Variants in PTPRD observed in about 807,000 individuals in gnomAD.
PTPRD encodes receptor-type tyrosine-protein phosphatase delta.
Under a neutral mutation model 214.5 loss-of-function variants are expected in PTPRD, and 34 were observed. The observed-to-expected ratio is 0.16, with a 90% CI of 0.12 to 0.21. The LOEUF is 0.21. Ranked by LOEUF, PTPRD falls within the 10% of genes least tolerant of loss-of-function variation. The probability of loss-of-function intolerance (pLI) is 1.00; values close to 1 mark genes in which losing one functional copy is unlikely to be tolerated. For missense variants in PTPRD, 2,545 were observed against 2,398.7 expected, an observed-to-expected ratio of 1.06 and a Z score of -1.27; for synonymous variants, 1,128 against 845.7, an observed-to-expected ratio of 1.33 and a Z score of -5.79.
intron 2 of PTPRD, among the ~76,000 whole-genome samples, chr9:10,482,142 C>T (rs1018005067): frequency 6.6e-5 from 10 of 152,136 alleles, no homozygotes; most frequent in Admixed American, 2.0e-4. Flanking sequence ...GAGGCCCAGG[C>T]GGGAGAATCA....
intron 12 of PTPRD, among the ~76,000 whole-genome samples, chr9:8,699,353 T>C (rs1465438623): frequency 6.6e-6 from 1 of 152,184 alleles, no homozygotes; most frequent in Non-Finnish European, 1.5e-5. Flanking sequence ...ATACACCTCA[T>C]ATCATTAAAA....
At chr9:9,633,116 G>A (rs140185759) in intron 7 of PTPRD, among the ~76,000 whole-genome samples, 86 of 152,182 alleles carry the variant, frequency 5.7e-4, no homozygotes, top group African/African-American at 1.9e-3. Flanking sequence ...CCAACATGGT[G>A]AAATCCTGTC....
intron 10 of PTPRD, among the ~76,000 whole-genome samples, chr9:9,146,429 G>A (rs1282477326): frequency 3.3e-5 from 5 of 152,016 alleles, no homozygotes; most frequent in East Asian, 1.9e-4. Context: ...TCTGATGTGA[G>A]GCTCAGGAGT....
At chr9:10,321,218 C>A (rs2096546688) in intron 3 of PTPRD, among the ~76,000 whole-genome samples, 1 of 151,780 alleles carries the variant, frequency 6.6e-6, no homozygotes, top group Non-Finnish European at 1.5e-5. Context: ...GGAAAAAAAA[C>A]AATGAGAACT....
chr9:9,897,193 G>A (rs1053424749), intron 5 of PTPRD, among the ~76,000 whole-genome samples: 6 of 151,754 alleles, frequency 4.0e-5, no homozygotes, highest in African/African-American at 1.4e-4. Context: ...GGTTGGTAAA[G>A]GTAATGCCTA....
At chr9:10,056,427 T>C (rs546976397) in intron 3 of PTPRD, among the ~76,000 whole-genome samples, 1 of 151,954 alleles carries the variant, frequency 6.6e-6, no homozygotes, top group Admixed American at 6.6e-5. Flanking sequence ...ATAACCTCTT[T>C]TATTAGCTGC....
chr9:9,177,510 A>T (rs2099925633), intron 10 of PTPRD, among the ~76,000 whole-genome samples: 1 of 152,172 alleles, frequency 6.6e-6, no homozygotes, highest in South Asian at 2.1e-4. Flanking sequence ...TAATTAGAAA[A>T]TATATTAGAG....
intron 2 of PTPRD, among the ~76,000 whole-genome samples, chr9:10,419,616 C>A (rs985180332): frequency 4.6e-5 from 7 of 151,674 alleles, no homozygotes; most frequent in Admixed American, 3.3e-4. Flanking sequence ...GTATGAAAAT[C>A]CAAGCTTTCA....
chr9:10,355,737 C>A (rs2097265256), intron 2 of PTPRD, among the ~76,000 whole-genome samples: 1 of 152,078 alleles, frequency 6.6e-6, no homozygotes, highest in Non-Finnish European at 1.5e-5. Flanking sequence ...CTCGGCCTCC[C>A]AAAGCGCTGG....
intron 2 of PTPRD, among the ~76,000 whole-genome samples, chr9:10,499,461 C>T (rs139879328): frequency 0.018 from 2,738 of 151,944 alleles, 43 homozygotes; most frequent in South Asian, 0.035. Flanking sequence ...TCAATCATAC[C>T]GGACAGTTCA....
intron 9 of PTPRD, among the ~76,000 whole-genome samples, chr9:9,225,312 A>G (rs532315049): frequency 6.6e-6 from 1 of 152,152 alleles, no homozygotes; most frequent in South Asian, 2.1e-4. Flanking sequence ...TGACAACCAG[A>G]CAGAAATTAC....
intron 11 of PTPRD, among the ~76,000 whole-genome samples, chr9:8,914,338 A>T (rs2098769679): frequency 1.3e-5 from 2 of 152,310 alleles, no homozygotes; most frequent in African/African-American, 4.8e-5. Flanking sequence ...CTTACCAAAT[A>T]ACAATATTAC....
At chr9:9,494,870 G>A (rs540802341) in intron 8 of PTPRD, among the ~76,000 whole-genome samples, 2 of 152,232 alleles carry the variant, frequency 1.3e-5, no homozygotes, top group East Asian at 3.9e-4. Context: ...ATCTTGAAAA[G>A]AAAGAAGAAA....
At chr9:10,440,110 C>A (rs145934002) in intron 2 of PTPRD, among the ~76,000 whole-genome samples, 2 of 151,386 alleles carry the variant, frequency 1.3e-5, no homozygotes, top group East Asian at 1.9e-4. Context: ...GTTAAAAAAT[C>A]GGCTATTACT....
chr9:8,547,968 C>G (rs182963073), intron 14 of PTPRD, among the ~76,000 whole-genome samples: 91 of 152,196 alleles, frequency 6.0e-4, no homozygotes, highest in Non-Finnish European at 9.6e-4. Context: ...AAAAACAGTC[C>G]CTTAAAAGTT....
chr9:10,389,216 C>T (rs796420195), intron 2 of PTPRD, among the ~76,000 whole-genome samples: 9 of 151,916 alleles, frequency 5.9e-5, no homozygotes, highest in African/African-American at 2.2e-4. Context: ...ATGTTTTTCA[C>T]ACATTATTTT....
intron 9 of PTPRD, among the ~76,000 whole-genome samples, chr9:9,361,571 T>C (rs950196): frequency 6.6e-6 from 1 of 150,754 alleles, no homozygotes; most frequent in South Asian, 2.1e-4. Context: ...TTGGTACATG[T>C]GATAATTTAT....
intron 10 of PTPRD, among the ~76,000 whole-genome samples, chr9:9,029,839 G>A (rs998369580): frequency 1.1e-4 from 17 of 151,900 alleles, no homozygotes; most frequent in Non-Finnish European, 2.2e-4. Context: ...CGGTAAAATG[G>A]ATGTGGAGAT....
At chr9:10,500,930 G>A (rs750062655) in intron 2 of PTPRD, among the ~76,000 whole-genome samples, 6 of 151,598 alleles carry the variant, frequency 4.0e-5, no homozygotes, top group Non-Finnish European at 5.9e-5. Flanking sequence ...TTCTTTATCC[G>A]TTCATCTGCT....
Sources: allele counts gnomAD v4.1 joint callset (sites outside exome capture counted in the v4.1 genomes callset), GRCh38; gene constraint gnomAD v4.1.1; transcripts MANE v1.5; gene names NCBI Gene and HGNC (gene_info 2026-07-23, HGNC 2026-07-21).